Variants in PEX5 observed in about 807,000 individuals in gnomAD.
PEX5 encodes peroxisomal biogenesis factor 5.
Under a neutral mutation model 82.9 loss-of-function variants are expected in PEX5, and 52 were observed. The observed-to-expected ratio is 0.63, with a 90% CI of 0.50 to 0.79. PEX5 has a LOEUF of 0.79. PEX5 is among the 30% of genes least tolerant of loss of function. The pLI is 0.00. For synonymous variants in PEX5, 300 were observed against 318.8 expected, an observed-to-expected ratio of 0.94 and a Z score of 0.63; for missense variants, 719 against 815.2, an observed-to-expected ratio of 0.88 and a Z score of 1.44.
Position 7,197,513 on chromosome 12 carries a change from ATAATTATATGTTATATATAATG to A in PEX5, c.449-1488_449-1467del, listed in dbSNP as rs1326010343. On this transcript the variant is annotated intron_variant, in intron 5 of 15. Coordinates refer to ENST00000675855, the MANE Select transcript of PEX5 (RefSeq NM_001351132.2). ...AATTATATATGTTATATATAATGTA[ATAATTATATGTTATATATAATG>A]TAATTATATATGTTATATATAATAT... 3.3e-3 allele frequency among the ~76,000 whole-genome samples: 335 copies of A among 103,022 alleles called. 25 individuals are homozygous for A. The highest frequency in any genetic ancestry group is 6.8e-3 in the Admixed American group (58 of 8,560). 67.6% of individuals were successfully genotyped at this position (103,022 alleles called of 152,430 possible). A position where few individuals can be genotyped will look rare whatever the true frequency, so the allele number is the denominator to read the frequency against.
At chr12:7,207,948 C>T (rs748991451) in intron 11 of PEX5, 62 bp from the exon 12 acceptor site, 9 of 1,541,118 alleles carry the variant, frequency 5.8e-6, no homozygotes, top group Non-Finnish European at 8.1e-6. Context: ...TGGGAGAAGC[C>T]AGGGGGAAGG....
chr12:7,189,576 G>C (rs780340032), upstream of PEX5: 418 of 237,246 alleles, frequency 1.8e-3, no homozygotes, highest in Middle Eastern at 5.2e-3. Context: ...GTCAGGCTGC[G>C]TCGCAGTCTT....
At chr12:7,196,191 T>G (rs1350952753) in intron 5 of PEX5, among the ~76,000 whole-genome samples, 6 of 141,586 alleles carry the variant, frequency 4.2e-5, no homozygotes, top group African/African-American at 1.5e-4. Context: ...TTATATATAA[T>G]GTAATATATG....
At chr12:7,204,868 A>AAATTTTTTTT (rs1277302590) in intron 10 of PEX5, among the ~76,000 whole-genome samples, 1 of 152,140 alleles carries the variant, frequency 6.6e-6, no homozygotes, top group African/African-American at 2.4e-5. Flanking sequence ...ATTAGAAAGC[A>AAATTTTTTTT]AATTTTTTTT....
intron 1 of PEX5, 140 bp from the exon 2 acceptor site, chr12:7,190,222 G>A: frequency 1.9e-6 from 3 of 1,581,648 alleles, no homozygotes; most frequent in Non-Finnish European, 2.6e-6. Flanking sequence ...CAGAGGTGGG[G>A]GTCGCAGCAA....
rs1565707799 is a variant in PEX5 at position 7,203,224 on chromosome 12, C to CAA, written c.847-207_847-206insAA. ...CACTGCACTGCACTGCACTGCACTA[C>CAA]ATTACATTTCTGGCCATCACCCCAG... is the stretch of plus-strand genomic sequence containing the variant. On this transcript the variant is annotated intron_variant, in intron 9 of 15. Coordinates refer to ENST00000675855, the MANE Select transcript of PEX5 (RefSeq NM_001351132.2). Among the ~76,000 whole-genome samples, 46 of 143,968 alleles carry CAA rather than the reference C, an allele frequency of 3.2e-4. 6 individuals carry two copies. Among genetic ancestry groups the CAA allele is most frequent in the African/African-American group, 1.1e-3 (44 of 39,304 alleles). The allele number at this position is 143,968 out of a possible 152,430, so 94.4% of individuals were successfully genotyped here. A position where few individuals can be genotyped will look rare whatever the true frequency, so the allele number is the denominator to read the frequency against.
rs565346080 is a variant in PEX5, at chr12:7,202,226, GTC to G, written c.643-11_643-10del. 1.9e-6 allele frequency: 3 copies of G among 1,613,926 alleles called. No homozygotes were observed. Among genetic ancestry groups the G allele is most frequent in the Non-Finnish European group, 2.5e-6 (3 of 1,180,030 alleles). ...GTCCTTTCCCAAGTGGCCTGTGTGT[GTC>G]TCTGTGCCCCAGTTCCTGAAATTCG... is the stretch of plus-strand genomic sequence containing the variant. On this transcript the variant is annotated splice_polypyrimidine_tract_variant and intron_variant, in intron 7 of 15. Transcript: ENST00000675855.
chr12:7,190,054 C>T (rs2135867760), intron 1 of PEX5: 1 of 1,501,316 alleles, frequency 6.7e-7, no homozygotes, highest in South Asian at 1.3e-5. Context: ...TGAAGCGTCC[C>T]CGTGGTCCCC....
At position 7,209,537 on chromosome 12, in the gene PEX5, G is replaced by A. The variant is rs755826201; in HGVS notation, c.1561-146G>A. 3 of 182,320 alleles carry A rather than the reference G, an allele frequency of 1.6e-5. No individual in the cohort carries two copies. In the African/African-American group the frequency reaches 2.4e-4, roughly 14 times the overall value. 11.3% of individuals were successfully genotyped at this position (182,320 alleles called of 1,614,324 possible). On this transcript the variant is annotated intron_variant, in intron 14 of 15. Transcript: ENST00000675855. ...CATTGTAGCCACACACCGAACTGTT[G>A]AGAATGGAATGGGACGAAACATGTT...
At position 7,189,999 on chromosome 12, in the gene PEX5, C is replaced by T. The variant is rs939041822; in HGVS notation, c.-17+249C>T. On this transcript the variant is annotated intron_variant, in intron 1 of 15. Coordinates refer to ENST00000675855, the MANE Select transcript of PEX5 (RefSeq NM_001351132.2). ...GGGCTAGGTATGGTCGGGCTGTTTT[C>T]CCACTGTCCCTTCTTCGGGCAGTGT... The T allele has an allele frequency of 2.5e-5, 38 of 1,502,780 alleles. No individual in the cohort carries two copies. The highest frequency in any genetic ancestry group is 3.1e-5 in the Non-Finnish European group (35 of 1,138,912). The allele number at this position is 1,502,780 out of a possible 1,614,324, so 93.1% of individuals were successfully genotyped here. A position where few individuals can be genotyped will look rare whatever the true frequency, so the allele number is the denominator to read the frequency against.
intron 4 of PEX5, 40 bp from the exon 5 acceptor site, chr12:7,191,528 TG>T: frequency 1.9e-6 from 3 of 1,611,720 alleles, no homozygotes; most frequent in Non-Finnish European, 2.5e-6. Context: ...TGGAATGGTA[TG>T]TATGTATTCT....
At chr12:7,196,138 CTTA>C (rs1357882728) in intron 5 of PEX5, among the ~76,000 whole-genome samples, 36 of 140,044 alleles carry the variant, frequency 2.6e-4, no homozygotes, top group Non-Finnish European at 3.4e-4. Context: ...TAATGTATTT[CTTA>C]TTACATATGT....
rs796722169 is a variant in PEX5 at position 7,191,096 on chromosome 12, C to T, written c.184-130C>T. The T allele has an allele frequency of 1.4e-5, 17 of 1,204,402 alleles. No homozygotes were observed. The African/African-American group carries it at 2.2e-4, about 16-fold the overall frequency. The allele number at this position is 1,204,402 out of a possible 1,614,324, so 74.6% of individuals were successfully genotyped here. A position where few individuals can be genotyped will look rare whatever the true frequency, so the allele number is the denominator to read the frequency against. The stretch of plus-strand genomic sequence containing the variant: ...CTAAATCTATGGAAAGACAGTTTCT[C>T]TTTATGTGTCTCCAGTTTCTGTGTT... On this transcript the variant is annotated intron_variant, in intron 3 of 15. Transcript: ENST00000675855.
chr12:7,208,022 C>T lies in PEX5; in HGVS notation c.1123C>T (p.Leu375=). Residue 375 remains leucine, a synonymous_variant, in exon 12 of 16, where the codon CTG becomes TTG. Coordinates refer to ENST00000675855, the MANE Select transcript of PEX5 (RefSeq NM_001351132.2). The part of the protein sequence containing the change: ...DPKHMEAWQY[L]GTTQAENEQE... ...AACTTCCCTCTAGGCTTGGCAGTAT[C>T]TGGGTACCACCCAGGCAGAGAATGA... 1.2e-6 allele frequency: 2 copies of T among 1,613,682 alleles called. No homozygotes were observed. The highest frequency in any genetic ancestry group is 1.7e-6 in the Non-Finnish European group (2 of 1,179,604).
chr12:7,196,110 A>G (rs773109943), intron 5 of PEX5, among the ~76,000 whole-genome samples: 1 of 129,540 alleles, frequency 7.7e-6, no homozygotes, highest in Admixed American at 9.3e-5. Flanking sequence ...CGTATTTCTT[A>G]TTACATTATG....
rs781643068 is a variant in PEX5 at position 7,209,787 on chromosome 12, T to C, written c.1665T>C (p.Tyr555=). ...YRRALELQPG[Y]IRSRYNLGIS... ...GGGCCCTCGAGCTCCAGCCTGGCTA[T>C]ATCCGGTCCCGCTATAACCTGGGCA... The change falls in exon 15 of 16, where the codon TAT becomes TAC. Residue 555 remains tyrosine (Y), a synonymous_variant. Transcript: ENST00000675855. The C allele has an allele frequency of 2.7e-5, 43 of 1,614,114 alleles. No homozygotes were observed. Among genetic ancestry groups the C allele is most frequent in the Non-Finnish European group, 2.9e-5 (34 of 1,180,048 alleles).
intron 6 of PEX5, among the ~76,000 whole-genome samples, chr12:7,200,027 CCCGCACCTCCCTCCCGGACGGGGCGG>C (rs1943531993): frequency 2.8e-5 from 2 of 70,352 alleles, no homozygotes; most frequent in African/African-American, 7.9e-5. Context: ...GGGGGGCTGA[CCCGCACCTCCCTCCCGGACGGGGCGG>C]CTGGCCGGGC....
intron 5 of PEX5, among the ~76,000 whole-genome samples, chr12:7,196,404 G>A (rs1942252677): frequency 2.2e-5 from 3 of 134,874 alleles, no homozygotes; most frequent in African/African-American, 7.9e-5. Context: ...ACATATATGT[G>A]TCATATATAA....
chr12:7,203,164 A>C (rs1944322274), intron 9 of PEX5, among the ~76,000 whole-genome samples: 1 of 56,852 alleles, frequency 1.8e-5, no homozygotes, highest in African/African-American at 4.8e-5. Context: ...GTCTCAAACA[A>C]AAAACTAAAC....
Sources: gnomAD v4.1 joint callset for allele counts (sites outside exome capture counted in the v4.1 genomes callset) on GRCh38, gnomAD v4.1.1 for gene constraint, MANE v1.5 for transcripts, NCBI Gene and HGNC (gene_info 2026-07-23, HGNC 2026-07-21) for gene names.